The following NEGR1 variants were observed in gnomAD, a reference collection of about 807,000 sequenced individuals.
NEGR1 encodes neuronal growth regulator 1.
NEGR1 carries 10 observed loss-of-function variants against 40.9 expected under a neutral mutation model. The ratio of observed to expected loss-of-function variants is 0.24; its 90% CI spans 0.15 to 0.42. NEGR1 has a LOEUF of 0.42. NEGR1 is among the 10% of genes least tolerant of loss of function. The pLI is 1.00. For missense variants in NEGR1, 352 were observed against 438.9 expected (o/e 0.80, Z 1.77); for synonymous variants, 185 against 166.8 (o/e 1.11, Z -0.84).
At chr1:71,793,708 T>C (rs535521799) in intron 2 of NEGR1, among the ~76,000 whole-genome samples, 1 of 152,158 alleles carries the variant, frequency 6.6e-6, no homozygotes, top group East Asian at 1.9e-4. Flanking sequence ...TATATAAAAA[T>C]TTTGCCTAAG....
intron 1 of NEGR1, among the ~76,000 whole-genome samples, chr1:71,990,813 A>G (rs1421394792): frequency 6.6e-6 from 1 of 151,828 alleles, no homozygotes; most frequent in African/African-American, 2.4e-5. Context: ...TTCACTCTGC[A>G]TTTTCTTTCT....
At chr1:71,888,614 C>T (rs1233055809) in intron 2 of NEGR1, among the ~76,000 whole-genome samples, 2 of 141,540 alleles carry the variant, frequency 1.4e-5, no homozygotes, top group African/African-American at 2.6e-5. Context: ...TGAGATCAAA[C>T]TGCAAGGCGG....
chr1:71,576,329 A>C (rs948624758), intron 6 of NEGR1, among the ~76,000 whole-genome samples: 18 of 152,180 alleles, frequency 1.2e-4, no homozygotes, highest in Admixed American at 9.2e-4. Flanking sequence ...ATATTCCACC[A>C]TAGTATTTTG....
At chr1:72,034,799 G>A (rs112717655) in intron 1 of NEGR1, among the ~76,000 whole-genome samples, 298 of 152,252 alleles carry the variant, frequency 2.0e-3, no homozygotes, top group African/African-American at 6.4e-3. Flanking sequence ...CAGCTTGAAA[G>A]GGTAAAAGTT....
chr1:71,537,724 T>C (rs1019450468), intron 6 of NEGR1, among the ~76,000 whole-genome samples: 2 of 151,762 alleles, frequency 1.3e-5, no homozygotes, highest in African/African-American at 4.8e-5. Flanking sequence ...TTGTAAACCC[T>C]TATTCTGTTA....
intron 1 of NEGR1, among the ~76,000 whole-genome samples, chr1:72,068,993 T>C (rs1322623840): frequency 6.6e-6 from 1 of 152,164 alleles, no homozygotes; most frequent in Non-Finnish European, 1.5e-5. Flanking sequence ...ATTATTTTCC[T>C]TAGAGAAATC....
At chr1:71,940,591 G>T (rs971260635) in intron 1 of NEGR1, among the ~76,000 whole-genome samples, 5 of 152,096 alleles carry the variant, frequency 3.3e-5, no homozygotes, top group African/African-American at 1.2e-4. Flanking sequence ...GAATGGCACT[G>T]CTGCCTAAAT....
chr1:71,592,118 A>T (rs2781156), intron 6 of NEGR1, among the ~76,000 whole-genome samples: 136,038 of 152,020 alleles, frequency 0.89, 62,225 homozygotes, highest in Non-Finnish European at 1. Flanking sequence ...TGGCTGCAAC[A>T]ATTTGTTGGT....
chr1:71,815,906 G>A (rs1407814670), intron 2 of NEGR1, among the ~76,000 whole-genome samples: 1 of 152,134 alleles, frequency 6.6e-6, no homozygotes, highest in African/African-American at 2.4e-5. Flanking sequence ...AGTGATAAAA[G>A]GTTTAACATA....
At chr1:71,696,180 T>C (rs565019624) in intron 4 of NEGR1, among the ~76,000 whole-genome samples, 10 of 151,946 alleles carry the variant, frequency 6.6e-5, no homozygotes, top group Non-Finnish European at 1.3e-4. Context: ...CTTCTATCTA[T>C]TTAGTTCCCT....
chr1:71,640,687 C>T (rs1049591612), intron 4 of NEGR1, among the ~76,000 whole-genome samples: 9 of 151,910 alleles, frequency 5.9e-5, no homozygotes, highest in Admixed American at 2.6e-4. Flanking sequence ...AATATTCAAC[C>T]TCAGAATGGA....
chr1:71,503,024 T>C (rs535639972), intron 6 of NEGR1, among the ~76,000 whole-genome samples: 40 of 152,026 alleles, frequency 2.6e-4, no homozygotes, highest in East Asian at 2.1e-3. Context: ...TAGGGAACAA[T>C]AGAAAGAGGG....
At chr1:71,747,762 G>A (rs1655435854) in intron 3 of NEGR1, among the ~76,000 whole-genome samples, 1 of 151,634 alleles carries the variant, frequency 6.6e-6, no homozygotes, top group Admixed American at 6.6e-5. Flanking sequence ...GAAGAGACCA[G>A]GTAGAATGGG....
chr1:72,142,652 G>A (rs570892350), intron 1 of NEGR1, among the ~76,000 whole-genome samples: 1 of 151,880 alleles, frequency 6.6e-6, no homozygotes, highest in South Asian at 2.1e-4. Flanking sequence ...TAACCAATTT[G>A]ATAATATCTA....
intron 4 of NEGR1, among the ~76,000 whole-genome samples, chr1:71,668,160 A>G (rs540805439): frequency 6.6e-6 from 1 of 152,170 alleles, no homozygotes; most frequent in East Asian, 1.9e-4. Context: ...TTTGTGTGTC[A>G]TCTGGTCATG....
intron 6 of NEGR1, among the ~76,000 whole-genome samples, chr1:71,574,107 G>C (rs1648887483): frequency 1.3e-5 from 2 of 152,194 alleles, no homozygotes; most frequent in Non-Finnish European, 2.9e-5. Context: ...CTGAGAAAAA[G>C]AGCAGGCTTA....
intron 4 of NEGR1, among the ~76,000 whole-genome samples, chr1:71,661,262 T>C (rs1222377936): frequency 6.6e-6 from 1 of 152,184 alleles, no homozygotes; most frequent in Non-Finnish European, 1.5e-5. Flanking sequence ...TCTAAATCCC[T>C]GAGGAATCAC....
chr1:71,923,105 C>T (rs1225691635), intron 2 of NEGR1, among the ~76,000 whole-genome samples: 4 of 152,142 alleles, frequency 2.6e-5, no homozygotes, highest in African/African-American at 9.7e-5. Context: ...ATATTTATTT[C>T]AGCCCCTTTT....
At chr1:72,025,535 C>T (rs1340660354) in intron 1 of NEGR1, among the ~76,000 whole-genome samples, 4 of 152,026 alleles carry the variant, frequency 2.6e-5, no homozygotes, top group African/African-American at 9.7e-5. Context: ...CAAGGGTTAC[C>T]AAAATACTCT....
Sources: gnomAD v4.1 joint callset for allele counts (sites outside exome capture counted in the v4.1 genomes callset) on GRCh38, gnomAD v4.1.1 for gene constraint, MANE v1.5 for transcripts, NCBI Gene and HGNC (gene_info 2026-07-23, HGNC 2026-07-21) for gene names.